The following ZNF469 variants were observed in gnomAD, a reference collection of about 807,000 sequenced individuals.
ZNF469 encodes the protein zinc finger protein 469.
Under a neutral mutation model 1.0 loss-of-function variants are expected in ZNF469, and 1 was observed. That is an observed-to-expected ratio of 1.00 (90% confidence interval 0.35 to 4.73). The LOEUF is 4.73. Ranked by LOEUF, ZNF469 falls within the 30% of genes most tolerant of loss-of-function variation. ZNF469 has a pLI of 0.16. For missense variants in ZNF469, 6,100 were observed against 5,356.3 expected, an observed-to-expected ratio of 1.14 and a Z score of -4.33; for synonymous variants, 2,703 against 2,363.4, an observed-to-expected ratio of 1.14 and a Z score of -4.17.
the ZNF469 span, among the ~76,000 whole-genome samples, chr16:88,265,755 C>T: frequency 6.6e-6 from 1 of 152,210 alleles, no homozygotes; most frequent in East Asian, 1.9e-4. Flanking sequence ...CTCTGCACCT[C>T]GGGAGGCGGC....
chr16:88,201,566 A>T, the ZNF469 span, among the ~76,000 whole-genome samples: 569 of 134,342 alleles, frequency 4.2e-3, 2 homozygotes, highest in South Asian at 9.0e-3. This position sits in a 1 kb window ranked among gnomAD's most constrained non-coding sequence, Gnocchi z 5.0. Context: ...TAAATAAATT[A>T]AAAAAAAAAA....
At chr16:88,122,026 T>TC in the ZNF469 span, among the ~76,000 whole-genome samples, 53 of 140,338 alleles carry the variant, frequency 3.8e-4, no homozygotes, top group Admixed American at 3.7e-3. Context: ...CGGATCACAC[T>TC]CTGTCACTCA....
the ZNF469 span, among the ~76,000 whole-genome samples, chr16:88,155,916 G>T: frequency 5.3e-5 from 8 of 152,158 alleles, no homozygotes; most frequent in African/African-American, 1.7e-4. Context: ...AGCACTCACT[G>T]CTGTCTGCCT....
In ZNF469 at chr16:88,431,514, G is replaced by C. The variant is rs1157829181; in HGVS notation, c.4044G>C (p.Lys1348Asn). The change falls in exon 3 of 3, where the codon AAG (lysine) becomes AAC (asparagine). Residue 1348 changes from lysine (K) to asparagine (N), a missense_variant. Transcript: ENST00000565624. Reference sequence around the variant, plus strand: ...CCAAACCCAGTGTTCTGTCTTCAAAGATCTCCAGTTTTGGCTGTGACCCTG... The same window carrying C: ...CCAAACCCAGTGTTCTGTCTTCAAACATCTCCAGTTTTGGCTGTGACCCTG... ...ACPKPSVLSS[K>N]ISSFGCDPAG... The C allele has an allele frequency of 3.2e-6, 5 of 1,550,444 alleles. No individual in the cohort carries two copies. The African/African-American group carries it at 4.1e-5, about 13-fold the overall frequency.
At chr16:88,416,596 A>G (rs1220572871) in intron 1 of ZNF469, among the ~76,000 whole-genome samples, 1 of 152,256 alleles carries the variant, frequency 6.6e-6, no homozygotes, top group Non-Finnish European at 1.5e-5. Flanking sequence ...AAGCCACTTC[A>G]GACGCCACCA....
chr16:88,153,098 G>A, the ZNF469 span, among the ~76,000 whole-genome samples: 11 of 152,200 alleles, frequency 7.2e-5, no homozygotes, highest in East Asian at 1.9e-4. Flanking sequence ...CTGCTGCCCC[G>A]GGCAGGTTGG....
the ZNF469 span, among the ~76,000 whole-genome samples, chr16:88,322,087 C>A: frequency 2.0e-5 from 3 of 152,240 alleles, no homozygotes; most frequent in African/African-American, 7.2e-5. Flanking sequence ...ACGAGCTGGG[C>A]GGGCTGCAGG....
At chr16:88,343,615 G>A in the ZNF469 span, among the ~76,000 whole-genome samples, 47 of 152,270 alleles carry the variant, frequency 3.1e-4, no homozygotes, top group African/African-American at 1.1e-3. Context: ...CCTTCTTGCT[G>A]GTGGGGACTC....
the ZNF469 span, among the ~76,000 whole-genome samples, chr16:88,266,219 C>T: frequency 6.6e-6 from 1 of 152,262 alleles, no homozygotes; most frequent in African/African-American, 2.4e-5. Context: ...TGCAGGGCCA[C>T]TGGGAGGCCG....
At position 88,439,418 on chromosome 16, in the gene ZNF469, C is replaced by A; in HGVS notation, c.*86C>A. The A allele has an allele frequency of 6.9e-7, 1 of 1,439,428 alleles. No individual in the cohort carries two copies. Among genetic ancestry groups the A allele is most frequent in the Non-Finnish European group, 9.5e-7 (1 of 1,048,582 alleles). 89.2% of individuals were successfully genotyped at this position (1,439,428 alleles called of 1,614,324 possible). A position where few individuals can be genotyped will look rare whatever the true frequency, so the allele number is the denominator to read the frequency against. On this transcript the variant is annotated 3_prime_UTR_variant, in exon 3 of 3. Coordinates refer to ENST00000565624, the MANE Select transcript of ZNF469 (RefSeq NM_001367624.2). The stretch of plus-strand genomic sequence containing the variant: ...GCCAGCTCCGGCTCCCTGAGATGGT[C>A]CACTCTGTGGCCACTTGACTTCTTG...
chr16:88,183,294 A>G, the ZNF469 span, among the ~76,000 whole-genome samples: 1 of 152,180 alleles, frequency 6.6e-6, no homozygotes, highest in Non-Finnish European at 1.5e-5. Flanking sequence ...CACGGGCTCC[A>G]GCAATCCCAC....
rs568170941 is a variant in ZNF469 at position 88,433,983 on chromosome 16, C to G, written c.6513C>G (p.Ala2171=). 1.9e-6 allele frequency: 3 copies of G among 1,550,286 alleles called. No homozygotes were observed. Among genetic ancestry groups the G allele is most frequent in the Non-Finnish European group, 2.6e-6 (3 of 1,146,930 alleles). The change falls in exon 3 of 3, where the codon GCC becomes GCG. Residue 2171 remains alanine, a synonymous_variant. Transcript: ENST00000565624. ...GPQQLLACSP[A]WAPLEEADGV... is the part of the protein sequence containing the mutation. ...AGCAGCTGCTGGCCTGTTCTCCTGC[C>G]TGGGCACCTCTGGAAGAGGCAGATG...
At chr16:88,362,219 A>G in the ZNF469 span, among the ~76,000 whole-genome samples, 1 of 152,218 alleles carries the variant, frequency 6.6e-6, no homozygotes, top group African/African-American at 2.4e-5. Context: ...TTGTATACCA[A>G]TTCCAATGGT....
chr16:88,142,710 C>A, the ZNF469 span, among the ~76,000 whole-genome samples: 1 of 152,200 alleles, frequency 6.6e-6, no homozygotes, highest in Non-Finnish European at 1.5e-5. Context: ...GAAACTGAGG[C>A]TTGGGGAGGC....
In ZNF469 at chr16:88,439,019, A is replaced by G; in HGVS notation, c.11549A>G (p.Lys3850Arg). ...GACAAGCCCCCCCGGACCCCTCGGA[A>G]GCAGGCAACTCCCAGCCGCGTGCTC... Reference protein sequence around the residue: ...APDKPPRTPRKQATPSRVLPT... With the variant: ...APDKPPRTPRRQATPSRVLPT... The change falls in exon 3 of 3, where the codon AAG (lysine) becomes AGG (arginine). Residue 3850 changes from lysine (K) to arginine (R), a missense_variant. Transcript: ENST00000565624. 6.4e-7 allele frequency: 1 copy of G among 1,550,442 alleles called. No homozygotes were observed. The highest frequency in any genetic ancestry group is 8.7e-7 in the Non-Finnish European group (1 of 1,146,982).
At chr16:88,107,122 C>G in the ZNF469 span, among the ~76,000 whole-genome samples, 1 of 150,900 alleles carries the variant, frequency 6.6e-6, no homozygotes, top group African/African-American at 2.4e-5. Context: ...CTGTCCCAGG[C>G]TTCAGACAGG....
the ZNF469 span, among the ~76,000 whole-genome samples, chr16:88,227,118 C>A: frequency 1.3e-5 from 2 of 151,464 alleles, 1 homozygote; most frequent in Non-Finnish European, 2.9e-5. Context: ...ACCCGTCCCT[C>A]CTCCACGCCG....
chr16:88,415,929 G>T (rs896967985), intron 1 of ZNF469, among the ~76,000 whole-genome samples: 2 of 152,210 alleles, frequency 1.3e-5, no homozygotes, highest in Non-Finnish European at 2.9e-5. Flanking sequence ...CTCCCAGGAC[G>T]ACTCGCTTCC....
At chr16:88,193,561 G>A in the ZNF469 span, 1 of 152,220 alleles carries the variant, frequency 6.6e-6, no homozygotes, top group African/African-American at 2.4e-5. Flanking sequence ...AATTAGCTGG[G>A]TGTGGTGGTG....
Sources: gnomAD v4.1 joint callset for allele counts (sites outside exome capture counted in the v4.1 genomes callset) on GRCh38, gnomAD v4.1.1 for gene constraint, Gnocchi (gnomAD v3.1) non-coding constraint, MANE v1.5 for transcripts, NCBI Gene and HGNC (gene_info 2026-07-23, HGNC 2026-07-21) for gene names.